The following CYFIP1 variants were observed in gnomAD, a reference collection of about 807,000 sequenced individuals.
CYFIP1 encodes the protein cytoplasmic FMR1-interacting protein 1.
In CYFIP1, 58 loss-of-function variants were observed where a neutral mutation model predicts 163.5. The ratio of observed to expected loss-of-function variants is 0.35; its 90% CI spans 0.29 to 0.44. The LOEUF is 0.44. Ranked by LOEUF, CYFIP1 falls within the 20% of genes least tolerant of loss-of-function variation. CYFIP1 has a pLI of 1.00. For missense variants in CYFIP1, 1,338 were observed against 1,653.8 expected (o/e 0.81, Z 3.31); for synonymous variants, 663 against 660.7 (o/e 1.00, Z -0.05).
intron 1 of CYFIP1, among the ~76,000 whole-genome samples, chr15:22,975,798 T>C (rs963625679): frequency 5.3e-5 from 8 of 152,090 alleles, no homozygotes; most frequent in Non-Finnish European, 8.8e-5. Context: ...GCACAGGGGG[T>C]TGGAATCCCT....
chr15:22,884,022 A>G (rs540431616), intron 23 of CYFIP1, among the ~76,000 whole-genome samples: 1 of 152,198 alleles, frequency 6.6e-6, no homozygotes, highest in East Asian at 1.9e-4. Flanking sequence ...CTATCACAAG[A>G]ACAGCATGTG....
intron 23 of CYFIP1, among the ~76,000 whole-genome samples, chr15:22,889,100 T>G (rs969796750): frequency 6.6e-6 from 1 of 151,164 alleles, no homozygotes; most frequent in Non-Finnish European, 1.5e-5. Flanking sequence ...CTAGCTTAGG[T>G]TTTAACAAAA....
chr15:22,873,327 G>C (rs1051527223), intron 29 of CYFIP1, among the ~76,000 whole-genome samples, 164 bp downstream of exon 29: 4 of 152,062 alleles, frequency 2.6e-5, no homozygotes, highest in Admixed American at 2.0e-4. Context: ...TCAGCTCTTT[G>C]GCATCAAGTA....
chr15:22,936,261 CA>C (rs2061706755), intron 9 of CYFIP1, among the ~76,000 whole-genome samples: 1 of 151,828 alleles, frequency 6.6e-6, no homozygotes, highest in African/African-American at 2.4e-5. Context: ...AACAAACAAA[CA>C]AAAAAACTCA....
intron 26 of CYFIP1, among the ~76,000 whole-genome samples, chr15:22,877,553 C>G (rs1021765648): frequency 6.6e-6 from 1 of 152,164 alleles, no homozygotes; most frequent in African/African-American, 2.4e-5. Flanking sequence ...TAAAGAGATG[C>G]TTCCTAACAT....
intron 1 of CYFIP1, among the ~76,000 whole-genome samples, chr15:22,964,239 C>CCCACCCCCAT (rs2062805000): frequency 6.7e-6 from 1 of 149,344 alleles, no homozygotes. Context: ...TGAACCCTAC[C>CCCACCCCCAT]CCACCCCCAT....
Position 22,910,784 on chromosome 15 carries a change from G to A in CYFIP1, c.2112C>T (p.Tyr704=). The A allele has an allele frequency of 5.0e-6, 8 of 1,613,970 alleles. No homozygotes were observed. The highest frequency in any genetic ancestry group is 6.8e-6 in the Non-Finnish European group (8 of 1,179,872). The change falls in exon 19 of 31, where the codon TAC becomes TAT. Residue 704 remains tyrosine, a synonymous_variant. Coordinates refer to ENST00000617928, the MANE Select transcript of CYFIP1 (RefSeq NM_014608.6). ...AGGCAAATATCTGGTCTGCTAGCTT[G>A]TAAACAAATTGGTCAAAACATAGAT... is the stretch of plus-strand genomic sequence containing the variant. ...EVNLCFDQFV[Y]KLADQIFAYY...
intron 22 of CYFIP1, among the ~76,000 whole-genome samples, chr15:22,898,030 G>C (rs1198063168): frequency 6.6e-6 from 1 of 152,082 alleles, no homozygotes; most frequent in Non-Finnish European, 1.5e-5. Flanking sequence ...CTACCAATCA[G>C]GAACTTCCAA....
At chr15:22,939,552 AC>A in intron 6 of CYFIP1, 45 bp from the exon 7 acceptor site, 107 of 762,000 alleles carry the variant, frequency 1.4e-4, no homozygotes, top group Non-Finnish European at 1.9e-4. Flanking sequence ...CCAACGTGCC[AC>A]ATTTAAAAAA....
At position 22,892,993 on chromosome 15, in the gene CYFIP1, T is replaced by A; in HGVS notation, c.2589-16A>T. On this transcript the variant is annotated splice_polypyrimidine_tract_variant and intron_variant, in intron 22 of 30. Transcript: ENST00000617928. ...CCGAACAAACCTAAACAAGAAAGATTTAAAAAAGAAAAAGAAACCAAATTT... is the reference window on the plus strand; with the variant it reads ...CCGAACAAACCTAAACAAGAAAGATATAAAAAAGAAAAAGAAACCAAATTT... 1 of 1,594,344 alleles carries A rather than the reference T, an allele frequency of 6.3e-7. No homozygotes were observed. The highest frequency in any genetic ancestry group is 8.6e-7 in the Non-Finnish European group (1 of 1,166,246).
Position 22,941,060 on chromosome 15 carries a change from T to C in CYFIP1, c.570-1553A>G, listed in dbSNP as rs2061879266. Among the ~76,000 whole-genome samples the C allele has an allele frequency of 2.0e-5, 3 of 151,224 alleles. No homozygotes were observed. In the South Asian group the frequency reaches 6.3e-4, roughly 32 times the overall value. On this transcript the variant is annotated intron_variant, in intron 6 of 30. Transcript: ENST00000617928. ...CTCAAAAAGAAAAAACCATGTTTCC[T>C]TTTTTTTTAAATAGACACAGGGTCT...
At chr15:22,872,471 A>T (rs1311905459) in intron 30 of CYFIP1, among the ~76,000 whole-genome samples, 1 of 152,186 alleles carries the variant, frequency 6.6e-6, no homozygotes, top group African/African-American at 2.4e-5. Context: ...GAATTCAACT[A>T]TGAGGGATCC....
chr15:22,953,948 C>T (rs1014995997), intron 1 of CYFIP1, among the ~76,000 whole-genome samples: 5 of 152,058 alleles, frequency 3.3e-5, no homozygotes, highest in South Asian at 2.1e-4. Context: ...CCCAGCTACT[C>T]GGGAGGCTGA....
chr15:22,881,862 G>A lies in CYFIP1; in HGVS notation c.2895C>T (p.His965=), dbSNP rs141815988. ...VMPKICRLPR[H]EYGSPGILEF... ...CGCACTCACCAGGAGAGCCGTACTC[G>A]TGCCGGGGCAGGCGGCAGATCTTGG... is the stretch of plus-strand genomic sequence containing the variant. Residue 965 remains histidine (H), a synonymous_variant, in exon 25 of 31, where the codon CAC becomes CAT. Coordinates refer to ENST00000617928, the MANE Select transcript of CYFIP1 (RefSeq NM_014608.6). The A allele has an allele frequency of 2.2e-5, 36 of 1,611,394 alleles. No individual in the cohort carries two copies. Among genetic ancestry groups the A allele is most frequent in the African/African-American group, 2.0e-4 (15 of 74,926 alleles).
At chr15:22,950,421 C>G (rs1019465794) in intron 1 of CYFIP1, among the ~76,000 whole-genome samples, 1 of 152,104 alleles carries the variant, frequency 6.6e-6, no homozygotes, top group African/African-American at 2.4e-5. Context: ...GGGTCAGCTC[C>G]CCAAGGAGCC....
chr15:22,927,007 A>G (rs7161747), intron 12 of CYFIP1, among the ~76,000 whole-genome samples: 24,019 of 152,170 alleles, frequency 0.16, 2,249 homozygotes, highest in Admixed American at 0.26. Context: ...GCATCAATAC[A>G]AGTAAATATT....
chr15:22,977,703 C>T (rs1356852004), intron 1 of CYFIP1, among the ~76,000 whole-genome samples: 2 of 151,026 alleles, frequency 1.3e-5, no homozygotes, highest in African/African-American at 2.4e-5. Context: ...TGGTGGCAGG[C>T]GCCTGTAATC....
chr15:22,906,462 A>AATTTTTT (rs2060584070), intron 21 of CYFIP1, among the ~76,000 whole-genome samples: 1 of 87,502 alleles, frequency 1.1e-5, no homozygotes, highest in African/African-American at 4.6e-5. Flanking sequence ...AGCAACTACT[A>AATTTTTT]TTTTTTTTTT....
intron 1 of CYFIP1, among the ~76,000 whole-genome samples, chr15:22,968,218 T>C (rs1050150746): frequency 3.8e-4 from 58 of 152,318 alleles, no homozygotes; most frequent in East Asian, 9.6e-4. Context: ...GTTGCTTTTA[T>C]GTGTCAACTT....
Sources: allele counts gnomAD v4.1 joint callset (sites outside exome capture counted in the v4.1 genomes callset), GRCh38; gene constraint gnomAD v4.1.1; transcripts MANE v1.5; gene names NCBI Gene and HGNC (gene_info 2026-07-23, HGNC 2026-07-21).